Variants in MACROD2 observed in about 807,000 individuals in gnomAD.
The protein encoded by MACROD2 is mono-ADP ribosylhydrolase 2, also known as ADP-ribose glycohydrolase MACROD2.
MACROD2 carries 36 observed loss-of-function variants against 70.4 expected under a neutral mutation model. The observed-to-expected ratio is 0.51, with a 90% CI of 0.39 to 0.68. MACROD2 has a LOEUF of 0.68. Among genes scored for constraint, MACROD2 ranks in the 30% least tolerant of loss-of-function variants. MACROD2 has a pLI of 0.00. For missense variants in MACROD2, 496 were observed against 538.4 expected, an observed-to-expected ratio of 0.92 and a Z score of 0.78; for synonymous variants, 172 against 178.8, an observed-to-expected ratio of 0.96 and a Z score of 0.30.
At chr20:14,187,869 A>G (rs2081357555) in intron 3 of MACROD2, among the ~76,000 whole-genome samples, 5 of 152,084 alleles carry the variant, frequency 3.3e-5, no homozygotes, top group Admixed American at 3.3e-4. Context: ...ATTTTTTTGT[A>G]TCCCATGATC....
intron 2 of MACROD2, among the ~76,000 whole-genome samples, chr20:14,008,554 T>C (rs551658260): frequency 6.6e-6 from 1 of 152,248 alleles, no homozygotes; most frequent in South Asian, 2.1e-4. Flanking sequence ...CAAAGCAGGG[T>C]ATAGATTCAG....
intron 6 of MACROD2, among the ~76,000 whole-genome samples, chr20:15,369,017 A>G (rs1439996856): frequency 6.6e-6 from 1 of 152,178 alleles, no homozygotes; most frequent in African/African-American, 2.4e-5. Context: ...TGAATAGAGT[A>G]TATGTCTGGT....
chr20:15,856,535 T>G (rs988110255), intron 8 of MACROD2, among the ~76,000 whole-genome samples: 5 of 152,212 alleles, frequency 3.3e-5, no homozygotes, highest in African/African-American at 1.2e-4. Context: ...CTAAGTACCC[T>G]TGAAAACTAT....
intron 5 of MACROD2, among the ~76,000 whole-genome samples, chr20:14,809,603 A>G (rs2072683561): frequency 6.6e-6 from 1 of 152,010 alleles, no homozygotes; most frequent in African/African-American, 2.4e-5. Context: ...AATGAAGGAG[A>G]AAGAGACACA....
chr20:15,040,747 G>A (rs994958152), intron 5 of MACROD2, among the ~76,000 whole-genome samples: 6 of 152,140 alleles, frequency 3.9e-5, no homozygotes, highest in African/African-American at 1.2e-4. Context: ...TTGCTATTAA[G>A]CATCTTAGCT....
chr20:14,573,888 A>G (rs6042795), intron 4 of MACROD2, among the ~76,000 whole-genome samples: 6,985 of 152,256 alleles, frequency 0.046, 422 homozygotes, highest in African/African-American at 0.13. Flanking sequence ...GAAGAGTTCC[A>G]AAGTCCAGAG....
chr20:15,622,754 A>C (rs2049146591), intron 8 of MACROD2, among the ~76,000 whole-genome samples: 1 of 152,238 alleles, frequency 6.6e-6, no homozygotes, highest in Admixed American at 6.5e-5. Context: ...ACAGTACAAT[A>C]AGGTATTTTG....
chr20:14,427,613 A>G (rs996538991), intron 3 of MACROD2, among the ~76,000 whole-genome samples: 4 of 152,048 alleles, frequency 2.6e-5, no homozygotes, highest in African/African-American at 9.7e-5. Context: ...CAAATCCACA[A>G]CCATGACACA....
At chr20:14,283,866 T>C (rs2082325130) in intron 3 of MACROD2, among the ~76,000 whole-genome samples, 1 of 152,190 alleles carries the variant, frequency 6.6e-6, no homozygotes, top group South Asian at 2.1e-4. Context: ...TATCCCAAAC[T>C]TAAAGTGCTG....
chr20:14,469,832 C>A (rs909737292), intron 3 of MACROD2, among the ~76,000 whole-genome samples: 2 of 151,814 alleles, frequency 1.3e-5, no homozygotes, highest in African/African-American at 4.8e-5. Context: ...TTCCTCTAAC[C>A]TTTTTTCAAG....
chr20:14,936,721 G>A (rs1247872387), intron 5 of MACROD2, among the ~76,000 whole-genome samples: 1 of 152,110 alleles, frequency 6.6e-6, no homozygotes, highest in African/African-American at 2.4e-5. Flanking sequence ...TGGCTCCATG[G>A]TAAATTCACC....
At chr20:14,398,397 C>T (rs2036303654) in intron 3 of MACROD2, among the ~76,000 whole-genome samples, 1 of 136,764 alleles carries the variant, frequency 7.3e-6, no homozygotes, top group Non-Finnish European at 1.6e-5. Flanking sequence ...TCTCCACATC[C>T]TTGCCAGCAT....
At chr20:15,746,406 T>C (rs2051183571) in intron 8 of MACROD2, among the ~76,000 whole-genome samples, 1 of 151,912 alleles carries the variant, frequency 6.6e-6, no homozygotes. Context: ...TGTACATTAT[T>C]TTGGAAGTTA....
intron 8 of MACROD2, among the ~76,000 whole-genome samples, chr20:15,728,833 A>G (rs1219272579): frequency 6.6e-6 from 1 of 151,882 alleles, no homozygotes; most frequent in Non-Finnish European, 1.5e-5. Context: ...TATTCTGTCA[A>G]AGAACCAACT....
intron 8 of MACROD2, among the ~76,000 whole-genome samples, chr20:15,636,089 A>AAAAAAAAAAAAAAAAAAAAAAG (rs1459679844): frequency 1.5e-5 from 2 of 134,982 alleles, no homozygotes; most frequent in East Asian, 2.4e-4. Context: ...AAAAAAAAAA[A>AAAAAAAAAAAAAAAAAAAAAAG]AAAGAAAGAA....
chr20:15,965,091 A>G (rs1568672159), intron 12 of MACROD2, among the ~76,000 whole-genome samples: 1 of 152,200 alleles, frequency 6.6e-6, no homozygotes, highest in Non-Finnish European at 1.5e-5. Context: ...TAAAGTCAGG[A>G]CATGTCTTAG....
At chr20:14,719,484 A>AAG (rs954729736) in intron 5 of MACROD2, among the ~76,000 whole-genome samples, 2 of 150,616 alleles carry the variant, frequency 1.3e-5, no homozygotes, top group African/African-American at 4.9e-5. Flanking sequence ...AAAAAAAAAA[A>AAG]AAAGAAAGAA....
intron 3 of MACROD2, among the ~76,000 whole-genome samples, chr20:14,107,410 A>G (rs1451514925): frequency 1.3e-5 from 2 of 152,188 alleles, no homozygotes; most frequent in African/African-American, 4.8e-5. Flanking sequence ...TCTAGAAAAT[A>G]GCCTCAAAAG....
chr20:14,367,783 CT>C (rs1417959327), intron 3 of MACROD2, among the ~76,000 whole-genome samples: 22 of 151,382 alleles, frequency 1.5e-4, no homozygotes, highest in Admixed American at 1.4e-3. Context: ...GTTTGTTGAG[CT>C]TCTTGAATGT....
Sources: gnomAD v4.1 joint callset for allele counts (sites outside exome capture counted in the v4.1 genomes callset) on GRCh38, gnomAD v4.1.1 for gene constraint, MANE v1.5 for transcripts, NCBI Gene and HGNC (gene_info 2026-07-23, HGNC 2026-07-21) for gene names.